The following ZNF451 variants were observed in gnomAD, a reference collection of about 807,000 sequenced individuals.
ZNF451 encodes the protein E3 SUMO-protein ligase ZNF451.
In ZNF451, 80 loss-of-function variants were observed where a neutral mutation model predicts 107.1. That is an observed-to-expected ratio of 0.75 (90% CI 0.62 to 0.90). The LOEUF (loss-of-function observed/expected upper bound fraction) is 0.90. Among genes scored for constraint, ZNF451 ranks in the 40% least tolerant of loss-of-function variants. The pLI is 0.00. For missense variants in ZNF451, 1,107 were observed against 1,236.2 expected, an observed-to-expected ratio of 0.90 and a Z score of 1.57; for synonymous variants, 362 against 406.5, an observed-to-expected ratio of 0.89 and a Z score of 1.32.
At chr6:57,163,437 T>C (rs1036523170) in intron 14 of ZNF451, among the ~76,000 whole-genome samples, 1 of 14,012 alleles carries the variant, frequency 7.1e-5, no homozygotes, top group Non-Finnish European at 1.2e-4. Context: ...ATGAATAAAC[T>C]TTTTTTTTTT....
Position 57,124,818 on chromosome 6 carries a change from G to A in ZNF451, c.271G>A (p.Val91Met), listed in dbSNP as rs1165345915. The A allele has an allele frequency of 1.1e-5, 18 of 1,611,412 alleles. No individual in the cohort carries two copies. Among genetic ancestry groups the A allele is most frequent in the Non-Finnish European group, 1.4e-5 (17 of 1,178,286 alleles). ...TLARLARHVEVEKQQKEEKNR... is the reference protein window; with the variant it reads ...TLARLARHVEMEKQQKEEKNR... ...GGCTCGTCTAGCCCGCCATGTTGAA[G>A]TGGAGAAACAGCAGAAAGAAGAGAA... Residue 91 changes from valine to methionine, a missense_variant, in exon 4 of 15, where the codon GTG becomes ATG. Val to Met is a conservative substitution (Grantham distance 21, BLOSUM62 1). Coordinates refer to ENST00000370706, the MANE Select transcript of ZNF451 (RefSeq NM_001031623.3).
chr6:57,132,399 A>C (rs928294937), intron 5 of ZNF451, among the ~76,000 whole-genome samples: 3 of 152,198 alleles, frequency 2.0e-5, no homozygotes, highest in African/African-American at 7.2e-5. Flanking sequence ...CACAGTTGAA[A>C]TAGTTAAAAG....
In ZNF451 at chr6:57,092,350, G is replaced by A. The variant is rs183802715; in HGVS notation, c.105+1456G>A. Reference sequence around the variant, plus strand: ...GTCTTTAAATTTTATGTTGAATGTAGAGGATCACTTCCGTCTTTGCATCAA... The same window carrying A: ...GTCTTTAAATTTTATGTTGAATGTAAAGGATCACTTCCGTCTTTGCATCAA... On this transcript the variant is annotated intron_variant, in intron 2 of 14. Coordinates refer to ENST00000370706, the MANE Select transcript of ZNF451 (RefSeq NM_001031623.3). Among the ~76,000 whole-genome samples the A allele has an allele frequency of 3.4e-4, 52 of 152,282 alleles. 1 individual carries two copies. Among genetic ancestry groups the A allele is most frequent in the African/African-American group, 1.3e-3 (52 of 41,556 alleles).
intron 9 of ZNF451, among the ~76,000 whole-genome samples, chr6:57,145,565 TTC>T: frequency 6.6e-6 from 1 of 152,326 alleles, no homozygotes; most frequent in African/African-American, 2.4e-5. Flanking sequence ...GTATTTGACA[TTC>T]TGAGTTATTT....
At chr6:57,162,584 C>T (rs1763716103) in intron 14 of ZNF451, among the ~76,000 whole-genome samples, 1 of 152,126 alleles carries the variant, frequency 6.6e-6, no homozygotes. Flanking sequence ...AACTTTTGTG[C>T]GTTTTGAACA....
intron 3 of ZNF451, chr6:57,109,330 G>C (rs1424695543): frequency 1.0e-5 from 10 of 984,688 alleles, no homozygotes; most frequent in African/African-American, 1.8e-5. Flanking sequence ...GGCATTTTGA[G>C]GATATTGGTT....
chr6:57,149,456 G>T (rs1272321496), intron 10 of ZNF451, among the ~76,000 whole-genome samples: 1 of 151,950 alleles, frequency 6.6e-6, no homozygotes, highest in Non-Finnish European at 1.5e-5. Context: ...TGTTGCCCAG[G>T]CTGGTTTTGA....
chr6:57,148,639 A>G lies in ZNF451; in HGVS notation c.2554A>G (p.Lys852Glu), dbSNP rs1832203179. 6 of 1,613,904 alleles carry G rather than the reference A, an allele frequency of 3.7e-6. No homozygotes were observed. The highest frequency in any genetic ancestry group is 4.2e-6 in the Non-Finnish European group (5 of 1,179,890). Residue 852 changes from lysine (K) to glutamate (E), a missense_variant, in exon 10 of 15, where the codon AAA becomes GAA. Transcript: ENST00000370706. ...ACTGAAACAGGCAATAAACTATTCA[A>G]AAAGTTTAGACATGGAGAAAGGAGT... is the stretch of plus-strand genomic sequence containing the variant. ...RKLKQAINYS[K>E]SLDMEKGVEN...
intron 2 of ZNF451, among the ~76,000 whole-genome samples, chr6:57,098,684 T>C (rs1042165991): frequency 6.6e-6 from 1 of 152,216 alleles, no homozygotes; most frequent in African/African-American, 2.4e-5. Context: ...GAAGCTGAGC[T>C]ATAAGTCAAT....
At chr6:57,138,814 A>G (rs1831603359) in intron 7 of ZNF451, among the ~76,000 whole-genome samples, 4 of 116,440 alleles carry the variant, frequency 3.4e-5, no homozygotes, top group Admixed American at 9.8e-5. Flanking sequence ...TTTTTGAGAG[A>G]GAGGTGGTCT....
chr6:57,144,851 C>T (rs1056281442), intron 9 of ZNF451, among the ~76,000 whole-genome samples: 2 of 152,038 alleles, frequency 1.3e-5, no homozygotes, highest in African/African-American at 4.8e-5. Context: ...ATCGCTTGAA[C>T]CTGGGAGGCA....
At chr6:57,095,172 A>G (rs1235580786) in intron 2 of ZNF451, among the ~76,000 whole-genome samples, 2 of 151,760 alleles carry the variant, frequency 1.3e-5, no homozygotes, top group Non-Finnish European at 2.9e-5. Context: ...GTCTGTCCTT[A>G]TTTTTCCACT....
At chr6:57,119,476 A>G (rs755984560) in intron 3 of ZNF451, among the ~76,000 whole-genome samples, 5 of 152,110 alleles carry the variant, frequency 3.3e-5, no homozygotes, top group Non-Finnish European at 7.4e-5. Flanking sequence ...GTGAGCCGAG[A>G]TCGCGCCACT....
At chr6:57,109,749 G>A (rs1830027308) in intron 3 of ZNF451, 2 of 913,944 alleles carry the variant, frequency 2.2e-6, no homozygotes, top group African/African-American at 1.8e-5. Context: ...GCTAAGAAAT[G>A]CTCATAATAA....
intron 3 of ZNF451, chr6:57,104,096 C>G: frequency 1.0e-6 from 1 of 984,380 alleles, no homozygotes; most frequent in Non-Finnish European, 1.2e-6. Flanking sequence ...TCTTATTTTT[C>G]TGTATTTTAC....
intron 3 of ZNF451, among the ~76,000 whole-genome samples, chr6:57,117,075 A>T (rs961515270): frequency 6.6e-6 from 1 of 152,242 alleles, no homozygotes; most frequent in Admixed American, 6.5e-5. Context: ...GAGAATAAAC[A>T]GATCAGCAGA....
At chr6:57,113,611 G>GA (rs1337218016) in intron 3 of ZNF451, among the ~76,000 whole-genome samples, 1,869 of 147,470 alleles carry the variant, frequency 0.013, 37 homozygotes, top group African/African-American at 0.044. Flanking sequence ...GGTCTTCTGA[G>GA]AAAAAAAAAT....
intron 2 of ZNF451, 96 bp from the exon 3 acceptor site, chr6:57,098,965 C>T: frequency 1.2e-6 from 1 of 843,444 alleles, no homozygotes; most frequent in Non-Finnish European, 2.0e-6. Flanking sequence ...CAGAGTAATT[C>T]TTGCCAGTCC....
chr6:57,111,850 T>C (rs570844666), intron 3 of ZNF451, among the ~76,000 whole-genome samples: 1 of 152,354 alleles, frequency 6.6e-6, no homozygotes, highest in South Asian at 2.1e-4. Context: ...GGACTAGCCT[T>C]ATTCACTGAA....
Sources: allele counts gnomAD v4.1 joint callset (sites outside exome capture counted in the v4.1 genomes callset), GRCh38; gene constraint gnomAD v4.1.1; transcripts MANE v1.5; gene names NCBI Gene and HGNC (gene_info 2026-07-23, HGNC 2026-07-21).